The following EML6 variants were observed in gnomAD, a reference collection of about 807,000 sequenced individuals.
EML6 encodes the protein echinoderm microtubule-associated protein-like 6.
In EML6, 154 loss-of-function variants were observed where a neutral mutation model predicts 240.1. The observed-to-expected ratio is 0.64, with a 90% CI of 0.56 to 0.73. The LOEUF (loss-of-function observed/expected upper bound fraction) is 0.73. EML6 is among the 30% of genes least tolerant of loss of function. The probability of loss-of-function intolerance (pLI) is 0.00; values close to 1 mark genes in which losing one functional copy is unlikely to be tolerated. For synonymous variants in EML6, 1,148 were observed against 899.0 expected (o/e 1.28, Z -4.95); for missense variants, 2,964 against 2,474.6 (o/e 1.20, Z -4.20).
At chr2:54,826,216 C>T (rs1276545135) in intron 5 of EML6, among the ~76,000 whole-genome samples, 1 of 152,172 alleles carries the variant, frequency 6.6e-6, no homozygotes, top group Non-Finnish European at 1.5e-5. Context: ...AGATGACCAT[C>T]CTGTCTACCT....
At position 54,813,377 on chromosome 2, in the gene EML6, G is replaced by T; in HGVS notation, c.343G>T (p.Asp115Tyr). The T allele has an allele frequency of 6.4e-7, 1 of 1,551,222 alleles. No individual in the cohort carries two copies. The highest frequency in any genetic ancestry group is 1.2e-5 in the South Asian group (1 of 83,942). Residue 115 changes from aspartate to tyrosine, a missense_variant, in exon 3 of 42, where the codon GAC becomes TAC. Physicochemically the swap from Asp to Tyr is radical, Grantham distance 160. Transcript: ENST00000356458. ...HTHGVACLAF[D>Y]SDGQRLASVG... ...ACATGGAGTTGCCTGCCTGGCTTTTGACTCAGATGGACAGGTGTGTATCTT... is the reference window on the plus strand; with the variant it reads ...ACATGGAGTTGCCTGCCTGGCTTTTTACTCAGATGGACAGGTGTGTATCTT...
At chr2:54,735,472 G>A (rs530726439) in intron 2 of EML6, among the ~76,000 whole-genome samples, 94 of 152,340 alleles carry the variant, frequency 6.2e-4, no homozygotes, top group African/African-American at 2.1e-3. Flanking sequence ...AGCTGGCATT[G>A]AGAGGCAGGA....
chr2:54,755,262 T>C (rs1441485164), intron 2 of EML6, among the ~76,000 whole-genome samples: 1 of 152,240 alleles, frequency 6.6e-6, no homozygotes, highest in African/African-American at 2.4e-5. Flanking sequence ...CACGCTGTTT[T>C]AATTACTGCA....
At position 54,970,810 on chromosome 2, in the gene EML6, C is replaced by G. The variant is rs1364193816; in HGVS notation, c.*715C>G. The G allele has an allele frequency of 6.6e-6, 1 of 152,192 alleles. No individual in the cohort carries two copies. The highest frequency in any genetic ancestry group is 2.4e-5 in the African/African-American group (1 of 41,414). The allele number at this position is 152,192 out of a possible 1,614,324, so 9.4% of individuals were successfully genotyped here. A position where few individuals can be genotyped will look rare whatever the true frequency, so the allele number is the denominator to read the frequency against. On this transcript the variant is annotated 3_prime_UTR_variant, in exon 42 of 42. Coordinates refer to ENST00000356458, the MANE Select transcript of EML6 (RefSeq NM_001039753.4). ...ACCCTTAGCAGATTCAGTGTGTCACCCTTGTCCTGTGTTCACGCCAAGGCT... is the reference window on the plus strand; with the variant it reads ...ACCCTTAGCAGATTCAGTGTGTCACGCTTGTCCTGTGTTCACGCCAAGGCT...
chr2:54,808,521 T>C (rs1041693971), intron 2 of EML6, among the ~76,000 whole-genome samples: 7 of 151,710 alleles, frequency 4.6e-5, no homozygotes, highest in East Asian at 1.9e-4. Context: ...TTTTTTTTTT[T>C]CCAAAAACAA....
intron 2 of EML6, among the ~76,000 whole-genome samples, chr2:54,775,056 G>C (rs909041245): frequency 1.3e-5 from 2 of 152,246 alleles, no homozygotes; most frequent in African/African-American, 2.4e-5. Context: ...TTCCTACCCA[G>C]TGTGAGCCAG....
chr2:54,861,884 A>G (rs1163881030), intron 12 of EML6, among the ~76,000 whole-genome samples: 1 of 152,142 alleles, frequency 6.6e-6, no homozygotes, highest in African/African-American at 2.4e-5. Context: ...ACCCCAGTTA[A>G]GTAGAGATAT....
At chr2:54,793,078 G>A (rs78871734) in intron 2 of EML6, among the ~76,000 whole-genome samples, 15,078 of 152,032 alleles carry the variant, frequency 0.099, 896 homozygotes, top group East Asian at 0.19. Flanking sequence ...GACCAGTCTC[G>A]TCAACATCGT....
chr2:54,763,583 G>C (rs1252792918), intron 2 of EML6, among the ~76,000 whole-genome samples: 1 of 152,156 alleles, frequency 6.6e-6, no homozygotes, highest in African/African-American at 2.4e-5. Context: ...TTGGCTAGGT[G>C]CATTTGTGTG....
intron 25 of EML6, 33 bp downstream of exon 25, chr2:54,911,075 T>C (rs1227019977): frequency 1.0e-5 from 12 of 1,167,898 alleles, no homozygotes; most frequent in Middle Eastern, 2.0e-4. Context: ...TTTAAAGATA[T>C]TTTGTGAAGA....
In EML6 at chr2:54,952,761, G is replaced by T; in HGVS notation, c.4312+69G>T. On this transcript the variant is annotated intron_variant, in intron 31 of 41. Transcript: ENST00000356458. ...ACGCTGACCTGTCAGCAATTATTGGGAGAGGGAGTGGGTGGGTTGCTTACA... is the reference window on the plus strand; with the variant it reads ...ACGCTGACCTGTCAGCAATTATTGGTAGAGGGAGTGGGTGGGTTGCTTACA... 2.8e-6 allele frequency: 3 copies of T among 1,054,784 alleles called. No individual in the cohort carries two copies. In the South Asian group the frequency reaches 4.1e-5, roughly 15 times the overall value. The allele number at this position is 1,054,784 out of a possible 1,614,324, so 65.3% of individuals were successfully genotyped here.
chr2:54,737,297 C>T (rs1271665152), intron 2 of EML6, among the ~76,000 whole-genome samples: 1 of 152,032 alleles, frequency 6.6e-6, no homozygotes, highest in Non-Finnish European at 1.5e-5. Flanking sequence ...CATATGTTTT[C>T]TTTTTGTTTT....
In EML6 at chr2:54,959,001, C is replaced by G. The variant is rs938270242; in HGVS notation, c.4696-103C>G. ...GCACAAAGAGATCAAACTGCCTAGG[C>G]TGTCTGCATCTCTAGCTCTGGTTCC... is the stretch of plus-strand genomic sequence containing the variant. On this transcript the variant is annotated intron_variant, in intron 33 of 41. Coordinates refer to ENST00000356458, the MANE Select transcript of EML6 (RefSeq NM_001039753.4). 3.7e-6 allele frequency: 4 copies of G among 1,093,638 alleles called. No individual in the cohort carries two copies. The African/African-American group carries it at 4.7e-5, about 13-fold the overall frequency. The allele number at this position is 1,093,638 out of a possible 1,614,324, so 67.7% of individuals were successfully genotyped here. A position where few individuals can be genotyped will look rare whatever the true frequency, so the allele number is the denominator to read the frequency against.
chr2:54,880,148 G>C (rs1042897736), intron 17 of EML6: 1 of 153,764 alleles, frequency 6.5e-6, no homozygotes, highest in Non-Finnish European at 1.4e-5. Flanking sequence ...TTTTGAGACC[G>C]ACTGCTGTTT....
At chr2:54,898,124 C>T (rs1672864056) in intron 21 of EML6, among the ~76,000 whole-genome samples, 1 of 151,896 alleles carries the variant, frequency 6.6e-6, no homozygotes, top group Middle Eastern at 3.2e-3. Context: ...GCAGTCAGCT[C>T]GCAGTTGTAC....
At chr2:54,817,662 A>C (rs554519543) in intron 4 of EML6, among the ~76,000 whole-genome samples, 1 of 152,232 alleles carries the variant, frequency 6.6e-6, no homozygotes, top group South Asian at 2.1e-4. Context: ...AAATAAAATA[A>C]TCTCATAATA....
rs369084750 is a variant in EML6, at chr2:54,769,697, C to T, written c.198-43535C>T. Among the ~76,000 whole-genome samples, 9 of 152,290 alleles carry T rather than the reference C, an allele frequency of 5.9e-5. No individual in the cohort carries two copies. The East Asian group carries it at 1.5e-3, about 26-fold the overall frequency. ...ATGTATGCCATAAACATACTCATGA[C>T]GTCCAAGAGTTTTCTTCTGCCCTCT... is the stretch of plus-strand genomic sequence containing the variant. On this transcript the variant is annotated intron_variant, in intron 2 of 41. Transcript: ENST00000356458.
At chr2:54,746,958 A>G (rs1405951050) in intron 2 of EML6, 10 of 152,314 alleles carry the variant, frequency 6.6e-5, no homozygotes, top group African/African-American at 1.9e-4. Context: ...CTGAATGTCA[A>G]TTACTGAATG....
At chr2:54,807,538 A>C (rs1283997246) in intron 2 of EML6, among the ~76,000 whole-genome samples, 1 of 152,198 alleles carries the variant, frequency 6.6e-6, no homozygotes, top group Non-Finnish European at 1.5e-5. Flanking sequence ...TGATGTAAAT[A>C]TACCCACTAT....
Sources: allele counts gnomAD v4.1 joint callset (sites outside exome capture counted in the v4.1 genomes callset), GRCh38; gene constraint gnomAD v4.1.1; transcripts MANE v1.5; gene names NCBI Gene and HGNC (gene_info 2026-07-23, HGNC 2026-07-21).